Variants in CSF1 observed in about 807,000 individuals in gnomAD.
The protein encoded by CSF1 is colony stimulating factor 1, also known as macrophage colony-stimulating factor 1.
Under a neutral mutation model 48.9 loss-of-function variants are expected in CSF1, and 9 were observed. That is an observed-to-expected ratio of 0.18 (90% CI 0.11 to 0.32). The LOEUF (loss-of-function observed/expected upper bound fraction) is 0.32. Ranked by LOEUF, CSF1 falls within the 10% of genes least tolerant of loss-of-function variation. CSF1 has a pLI of 1.00. For missense variants in CSF1, 672 were observed against 697.9 expected (o/e 0.96, Z 0.42); for synonymous variants, 305 against 284.1 (o/e 1.07, Z -0.74).
In CSF1 at chr1:109,923,860, C is replaced by T. The variant is rs1406271991; in HGVS notation, c.1239C>T (p.Leu413=). The change falls in exon 6 of 9, where the codon CTC becomes CTT. Residue 413 remains leucine (L), a synonymous_variant. Coordinates refer to ENST00000329608, the MANE Select transcript of CSF1 (RefSeq NM_000757.6). Reference sequence around the variant, plus strand: ...TCTCATCACTGCGCCCCCAGGGCCTCAGCAACCCCTCCACCCTCTCTGCTC... The same window carrying T: ...TCTCATCACTGCGCCCCCAGGGCCTTAGCAACCCCTCCACCCTCTCTGCTC... ...PRISSLRPQG[L]SNPSTLSAQP... is the part of the protein sequence containing the mutation. The T allele has an allele frequency of 1.9e-6, 3 of 1,614,036 alleles. No homozygotes were observed. The highest frequency in any genetic ancestry group is 2.5e-6 in the Non-Finnish European group (3 of 1,179,896).
intron 4 of CSF1, among the ~76,000 whole-genome samples, chr1:109,919,454 C>T (rs902937856): frequency 6.6e-6 from 1 of 152,142 alleles, no homozygotes; most frequent in Admixed American, 6.5e-5. Context: ...GTCTCAAACT[C>T]CCAGGCTCAA....
At chr1:109,927,283 A>G (rs948184034) in intron 8 of CSF1, among the ~76,000 whole-genome samples, 6 of 152,242 alleles carry the variant, frequency 3.9e-5, no homozygotes, top group African/African-American at 1.4e-4. Flanking sequence ...CTAGAGAGAT[A>G]GGGAATTTGG....
intron 5 of CSF1, 69 bp from the exon 6 acceptor site, chr1:109,923,097 C>A: frequency 1.4e-6 from 2 of 1,426,236 alleles, no homozygotes; most frequent in Non-Finnish European, 1.9e-6. Context: ...TCTGGGAAAG[C>A]TGTGCTGGAG....
chr1:109,927,612 C>G (rs1240024882), intron 8 of CSF1, among the ~76,000 whole-genome samples: 2 of 152,228 alleles, frequency 1.3e-5, no homozygotes, highest in Non-Finnish European at 2.9e-5. Context: ...CCTCTTCCCC[C>G]TCAAGATTTC....
At chr1:109,914,024 T>G (rs1429820377) in intron 1 of CSF1, among the ~76,000 whole-genome samples, 1 of 152,230 alleles carries the variant, frequency 6.6e-6, no homozygotes, top group Non-Finnish European at 1.5e-5. Flanking sequence ...TGGCTTAATC[T>G]GGGAAGGCTT....
At chr1:109,927,551 C>T (rs116592254) in intron 8 of CSF1, among the ~76,000 whole-genome samples, 2,569 of 152,124 alleles carry the variant, frequency 0.017, 68 homozygotes, top group African/African-American at 0.057. Context: ...CCCCTCTACA[C>T]GCCCACCCTC....
chr1:109,919,038 TA>T (rs936973741), intron 4 of CSF1, among the ~76,000 whole-genome samples: 1 of 152,126 alleles, frequency 6.6e-6, no homozygotes, highest in Non-Finnish European at 1.5e-5. Context: ...TGGAGATTCA[TA>T]AAAAAGCGTT....
intron 6 of CSF1, 50 bp from the exon 7 acceptor site, chr1:109,924,726 C>A (rs372710713): frequency 1.6e-5 from 25 of 1,526,904 alleles, no homozygotes; most frequent in Admixed American, 3.9e-5. Flanking sequence ...GGGCCACCGC[C>A]CCCCCACACT....
rs1647725981 is a variant in CSF1, at chr1:109,924,163, C to A, written c.1542C>A (p.Gly514=). 1 of 1,612,440 alleles carries A rather than the reference C, an allele frequency of 6.2e-7. No individual in the cohort carries two copies. The highest frequency in any genetic ancestry group is 8.5e-7 in the Non-Finnish European group (1 of 1,179,238). Residue 514 remains glycine, a synonymous_variant, in exon 6 of 9, where the codon GGC becomes GGA. Coordinates refer to ENST00000329608, the MANE Select transcript of CSF1 (RefSeq NM_000757.6). ...SVILVLLAVG[G]LLFYRWRRRS... is the part of the protein sequence containing the mutation. ...TCCTGGTCTTGCTGGCCGTCGGAGGCCTCTTGTTCTACAGGTGGAGGCGGC... is the reference window on the plus strand; with the variant it reads ...TCCTGGTCTTGCTGGCCGTCGGAGGACTCTTGTTCTACAGGTGGAGGCGGC...
intron 7 of CSF1, 47 bp from the exon 8 acceptor site, chr1:109,925,100 C>T: frequency 6.4e-7 from 1 of 1,566,036 alleles, no homozygotes. Flanking sequence ...CCCCTTATTC[C>T]CCTGCTCCTG....
intron 1 of CSF1, among the ~76,000 whole-genome samples, chr1:109,912,337 G>A (rs912395848): frequency 2.2e-4 from 34 of 152,146 alleles, no homozygotes; most frequent in African/African-American, 8.2e-4. Context: ...CAGCTGGACT[G>A]AGGTGTCCTA....
At chr1:109,911,405 G>C (rs1209388193) in intron 1 of CSF1, among the ~76,000 whole-genome samples, 9 of 152,212 alleles carry the variant, frequency 5.9e-5, no homozygotes, top group Admixed American at 5.9e-4. Flanking sequence ...ACCAAGGCAC[G>C]GGCGGAGTGG....
intron 3 of CSF1, 129 bp downstream of exon 3, chr1:109,915,825 G>A (rs1445140862): frequency 2.5e-6 from 2 of 784,350 alleles, no homozygotes; most frequent in African/African-American, 1.7e-5. Context: ...GGATCCATGG[G>A]TGCTCAACTC....
chr1:109,920,850 G>A (rs1344615972), intron 4 of CSF1, among the ~76,000 whole-genome samples: 2 of 152,172 alleles, frequency 1.3e-5, no homozygotes, highest in Non-Finnish European at 2.9e-5. Context: ...CTGAGGGATG[G>A]CAGCATTTGG....
intron 3 of CSF1, among the ~76,000 whole-genome samples, chr1:109,916,945 G>A (rs1426614585): frequency 6.6e-6 from 1 of 152,156 alleles, no homozygotes; most frequent in Non-Finnish European, 1.5e-5. Context: ...AAAGATATTT[G>A]TGAAAGCAAG....
chr1:109,926,954 C>T (rs1057230072), intron 8 of CSF1, among the ~76,000 whole-genome samples: 8 of 152,128 alleles, frequency 5.3e-5, no homozygotes, highest in East Asian at 1.9e-4. Flanking sequence ...GGCTGACTCA[C>T]GGACTGACCC....
At position 109,917,282 on chromosome 1, in the gene CSF1, CT is replaced by C. The variant is rs758791491; in HGVS notation, c.226-10del. On this transcript the variant is annotated splice_polypyrimidine_tract_variant and intron_variant, in intron 3 of 8. Coordinates refer to ENST00000329608, the MANE Select transcript of CSF1 (RefSeq NM_000757.6). ...TGGCCAGGCCATAAGCTCCAGGTTC[CT>C]GTTTTTCAGAAAGATCCAGTGTGCT... 1.2e-6 allele frequency: 2 copies of C among 1,612,316 alleles called. No homozygotes were observed. Among genetic ancestry groups the C allele is most frequent in the Non-Finnish European group, 1.7e-6 (2 of 1,179,000 alleles).
chr1:109,914,306 G>C lies in CSF1; in HGVS notation c.87G>C (p.Arg29Ser). Reference protein sequence around the residue: ...LLLLVCLLASRSITEEVSEYC... With the variant: ...LLLLVCLLASSSITEEVSEYC... ...TGTTGGTCTGTCTCCTGGCGAGCAG[G>C]AGTATCACCGAGGAGGTGTCGGAGT... The change falls in exon 2 of 9, where the codon AGG (arginine) becomes AGC (serine). Residue 29 changes from arginine to serine, a missense_variant. By Grantham distance (110) the Arg-to-Ser change is moderately radical. Around this residue, in one of 3 missense-constraint regions of CSF1, gnomAD observed 53 missense variants for 45.5 expected, o/e 1.17. Transcript: ENST00000329608. 2 of 1,608,032 alleles carry C rather than the reference G, an allele frequency of 1.2e-6. No individual in the cohort carries two copies. The highest frequency in any genetic ancestry group is 8.5e-7 in the Non-Finnish European group (1 of 1,177,086).
Position 109,923,264 on chromosome 1 carries a change from A to C in CSF1, c.643A>C (p.Met215Leu), listed in dbSNP as rs1471349897. ...CCCTCATCAGCCCCTCGCCCCCTCC[A>C]TGGCCCCTGTGGCTGGCTTGACCTG... ...VSPHQPLAPS[M>L]APVAGLTWED... is the part of the protein sequence containing the mutation. Residue 215 changes from methionine (M) to leucine (L), a missense_variant, in exon 6 of 9, where the codon ATG (methionine) becomes CTG (leucine). Physicochemically the swap from Met to Leu is conservative, Grantham distance 15. Transcript: ENST00000329608. 1.2e-6 allele frequency: 2 copies of C among 1,610,148 alleles called. No individual in the cohort carries two copies. The highest frequency in any genetic ancestry group is 1.3e-5 in the African/African-American group (1 of 74,662).
Sources: allele counts gnomAD v4.1 joint callset (sites outside exome capture counted in the v4.1 genomes callset), GRCh38; gene constraint gnomAD v4.1.1; regional missense constraint gnomAD v4.1.1; transcripts MANE v1.5; gene names NCBI Gene and HGNC (gene_info 2026-07-23, HGNC 2026-07-21).